PIKFYVE: variants seen among roughly 807,000 people sequenced by gnomAD.
PIKFYVE encodes the protein 1-phosphatidylinositol 3-phosphate 5-kinase.
Under a neutral mutation model 257.9 loss-of-function variants are expected in PIKFYVE, and 122 were observed. That is an observed-to-expected ratio of 0.47 (90% CI 0.41 to 0.55). The LOEUF is 0.55. Ranked by LOEUF, PIKFYVE falls within the 20% of genes least tolerant of loss-of-function variation. The pLI is 0.00. For missense variants in PIKFYVE, 2,160 were observed against 2,536.6 expected (o/e 0.85, Z 3.19); for synonymous variants, 892 against 868.9 (o/e 1.03, Z -0.47).
intron 7 of PIKFYVE, among the ~76,000 whole-genome samples, chr2:208,294,978 C>T (rs906275668): frequency 6.6e-6 from 1 of 152,222 alleles, no homozygotes; most frequent in African/African-American, 2.4e-5. Flanking sequence ...ACCCCCATGA[C>T]TGGGTTCACC....
intron 7 of PIKFYVE, among the ~76,000 whole-genome samples, chr2:208,295,111 T>G (rs1351539344): frequency 6.6e-6 from 1 of 152,234 alleles, no homozygotes; most frequent in Admixed American, 6.5e-5. Flanking sequence ...TGTGATCCTC[T>G]GTATCTGCTT....
intron 18 of PIKFYVE, 26 bp downstream of exon 18, chr2:208,324,308 A>G (rs1696658454): frequency 1.2e-6 from 2 of 1,608,764 alleles, no homozygotes; most frequent in Admixed American, 1.7e-5. Context: ...TTTCTATTGT[A>G]TTTTAAAAAA....
At chr2:208,306,821 A>C (rs936209272) in intron 12 of PIKFYVE, among the ~76,000 whole-genome samples, 1 of 149,030 alleles carries the variant, frequency 6.7e-6, no homozygotes, top group Non-Finnish European at 1.5e-5. Flanking sequence ...TCTGTTGCCC[A>C]GGCTGGAGTG....
intron 12 of PIKFYVE, among the ~76,000 whole-genome samples, chr2:208,306,684 C>T (rs1297395082): frequency 6.6e-6 from 1 of 152,086 alleles, no homozygotes; most frequent in Non-Finnish European, 1.5e-5. Context: ...TGTTATGGTG[C>T]AACCCCAGAT....
chr2:208,274,189 T>C (rs1689810478), intron 3 of PIKFYVE: 1 of 943,782 alleles, frequency 1.1e-6, no homozygotes, highest in Non-Finnish European at 1.7e-6. Context: ...TCTGTCCTTG[T>C]TGGGGTGCAA....
Position 208,345,095 on chromosome 2 carries a change from C to T in PIKFYVE, c.5028-16C>T, listed in dbSNP as rs768696691. On this transcript the variant is annotated splice_polypyrimidine_tract_variant and intron_variant, in intron 32 of 41. Coordinates refer to ENST00000264380, the MANE Select transcript of PIKFYVE (RefSeq NM_015040.4). ...AAGTTAATGTTTAACGTTTTTCAAC[C>T]TATTTCTGCCCTAAGTTGTAAAGAA... is the stretch of plus-strand genomic sequence containing the variant. The T allele has an allele frequency of 6.4e-7, 1 of 1,550,620 alleles. No homozygotes were observed. Among genetic ancestry groups the T allele is most frequent in the African/African-American group, 1.4e-5 (1 of 73,804 alleles).
At chr2:208,280,508 C>A (rs1690668262) in intron 5 of PIKFYVE, among the ~76,000 whole-genome samples, 1 of 152,202 alleles carries the variant, frequency 6.6e-6, no homozygotes, top group African/African-American at 2.4e-5. Context: ...CTAATAACCC[C>A]TGACAAATAT....
intron 12 of PIKFYVE, 113 bp downstream of exon 12, chr2:208,305,126 G>A: frequency 1.3e-6 from 2 of 1,559,106 alleles, no homozygotes; most frequent in East Asian, 2.4e-5. Context: ...GAGGGTATTT[G>A]GTGTGGGTTT....
intron 26 of PIKFYVE, 39 bp from the exon 27 acceptor site, chr2:208,336,007 A>T: frequency 6.2e-7 from 1 of 1,612,624 alleles, no homozygotes; most frequent in Non-Finnish European, 8.5e-7. Context: ...GTATGTCTGT[A>T]TAGTGTCTGT....
intron 6 of PIKFYVE, 107 bp downstream of exon 6, chr2:208,286,040 C>G (rs1691530635): frequency 8.8e-7 from 1 of 1,136,934 alleles, no homozygotes; most frequent in Admixed American, 2.0e-5. Flanking sequence ...TATTTCCTGT[C>G]AGTTCACTGT....
Position 208,356,755 on chromosome 2 carries a change from T to A in PIKFYVE, c.*1450T>A, listed in dbSNP as rs907096208. ...AAAAGTGATCAGAAGTAGTAAACTA[T>A]CTTTGAGGAAATACTGTAACCCCAG... is the stretch of plus-strand genomic sequence containing the variant. On this transcript the variant is annotated 3_prime_UTR_variant, in exon 42 of 42. Transcript: ENST00000264380. 6.6e-6 allele frequency: 1 copy of A among 152,668 alleles called. No homozygotes were observed. Among genetic ancestry groups the A allele is most frequent in the African/African-American group, 2.4e-5 (1 of 41,466 alleles). 9.5% of individuals were successfully genotyped at this position (152,668 alleles called of 1,614,324 possible).
rs371918240 is a variant in PIKFYVE at position 208,325,684 on chromosome 2, A to T, written c.2873A>T (p.His958Leu). The T allele has an allele frequency of 1.7e-5, 27 of 1,614,056 alleles. 1 individual carries two copies. The East Asian group carries it at 6.0e-4, about 36-fold the overall frequency. The change falls in exon 20 of 42, where the codon CAT (histidine) becomes CTT (leucine). Residue 958 changes from histidine (H) to leucine (L), a missense_variant. Coordinates refer to ENST00000264380, the MANE Select transcript of PIKFYVE (RefSeq NM_015040.4). ...QAVASVKHQE[H>L]STTACPAGLP... is the part of the protein sequence containing the mutation. ...GTTGCCTCTGTGAAGCATCAAGAAC[A>T]TAGCACAACAGCTTGCCCGGCGGGT...
At chr2:208,337,333 G>GT (rs1559152605) in intron 28 of PIKFYVE, among the ~76,000 whole-genome samples, 1 of 152,062 alleles carries the variant, frequency 6.6e-6, no homozygotes, top group African/African-American at 2.4e-5. Context: ...TTTGAACTGC[G>GT]TAAGTTCTTT....
Position 208,335,895 on chromosome 2 carries a change from G to A in PIKFYVE, c.4359G>A (p.Gln1453=). ...AAAAAATGGAAGATATTTTTGCACAGAAAGAGGTAATTTATTTCTTTGGTA... is the reference window on the plus strand; with the variant it reads ...AAAAAATGGAAGATATTTTTGCACAAAAAGAGGTAATTTATTTCTTTGGTA... The part of the protein sequence containing the change: ...REEKMEDIFA[Q]KEMEEGEFKN... Residue 1453 remains glutamine (Q), a synonymous_variant, in exon 26 of 42, where the codon CAG becomes CAA. Coordinates refer to ENST00000264380, the MANE Select transcript of PIKFYVE (RefSeq NM_015040.4). 1 of 1,606,012 alleles carries A rather than the reference G, an allele frequency of 6.2e-7. No individual in the cohort carries two copies. Among genetic ancestry groups the A allele is most frequent in the Non-Finnish European group, 8.5e-7 (1 of 1,173,372 alleles).
At chr2:208,320,517 T>C (rs1473793933) in intron 17 of PIKFYVE, among the ~76,000 whole-genome samples, 158 bp downstream of exon 17, 2 of 152,228 alleles carry the variant, frequency 1.3e-5, no homozygotes, top group African/African-American at 4.8e-5. Flanking sequence ...TTTTAAAGTT[T>C]CATAGTATTA....
intron 1 of PIKFYVE, chr2:208,269,906 T>C: frequency 3.6e-6 from 1 of 278,946 alleles, no homozygotes; most frequent in South Asian, 5.1e-5. Context: ...TGGCAGCACC[T>C]TTGGAGATGG....
At chr2:208,314,182 T>G in intron 13 of PIKFYVE, 112 bp from the exon 14 acceptor site, 2 of 1,218,442 alleles carry the variant, frequency 1.6e-6, no homozygotes, top group Non-Finnish European at 2.4e-6. Context: ...CAATAATTTA[T>G]GTTGGCTAAC....
intron 4 of PIKFYVE, 74 bp downstream of exon 4, chr2:208,276,904 T>G: frequency 8.2e-7 from 1 of 1,216,730 alleles, no homozygotes; most frequent in South Asian, 1.3e-5. Flanking sequence ...TGAAAATGGC[T>G]TAATGCCACT....
At chr2:208,292,954 ACT>A (rs1574482785) in intron 7 of PIKFYVE, among the ~76,000 whole-genome samples, 1 of 151,628 alleles carries the variant, frequency 6.6e-6, no homozygotes, top group Non-Finnish European at 1.5e-5. Flanking sequence ...CGTATTTGTT[ACT>A]GTTTTCTACT....
Sources: allele counts gnomAD v4.1 joint callset (sites outside exome capture counted in the v4.1 genomes callset), GRCh38; gene constraint gnomAD v4.1.1; transcripts MANE v1.5; gene names NCBI Gene and HGNC (gene_info 2026-07-23, HGNC 2026-07-21).